CC2D2A: variants seen among roughly 807,000 people sequenced by gnomAD.
CC2D2A encodes the protein coiled-coil and C2 domain containing 2A, also known as coiled-coil and C2 domain-containing protein 2A.
A neutral mutation model predicts 212.9 loss-of-function variants in CC2D2A; 155 were observed. The observed-to-expected ratio is 0.73, with a 90% CI of 0.64 to 0.83. The LOEUF (loss-of-function observed/expected upper bound fraction) is 0.83, where lower values mean the gene tolerates loss of function less well. Ranked by LOEUF, CC2D2A falls within the 40% of genes least tolerant of loss-of-function variation. The pLI is 0.00. For missense variants in CC2D2A, 1,856 were observed against 1,956.2 expected (o/e 0.95, Z 0.97); for synonymous variants, 667 against 686.5 (o/e 0.97, Z 0.44).
At chr4:15,488,149 G>A (rs1358276560) in intron 4 of CC2D2A, among the ~76,000 whole-genome samples, 2 of 152,068 alleles carry the variant, frequency 1.3e-5, no homozygotes, top group African/African-American at 4.8e-5. Flanking sequence ...TATGTTCACT[G>A]GTGATTTTTA....
At chr4:15,549,733 G>C (rs931619087) in intron 17 of CC2D2A, among the ~76,000 whole-genome samples, 3 of 152,144 alleles carry the variant, frequency 2.0e-5, no homozygotes, top group African/African-American at 7.2e-5. Flanking sequence ...AACCCAGGAG[G>C]CAGAGGTTGC....
intron 11 of CC2D2A, 130 bp downstream of exon 11, chr4:15,516,886 G>T: frequency 5.6e-6 from 4 of 720,394 alleles, no homozygotes; most frequent in East Asian, 8.5e-5. Context: ...TACACATAAA[G>T]AACAAACATC....
chr4:15,527,327 C>A, intron 11 of CC2D2A, 120 bp from the exon 12 acceptor site: 1 of 616,036 alleles, frequency 1.6e-6, no homozygotes, highest in Non-Finnish European at 2.7e-6. Flanking sequence ...GCATTTTTCA[C>A]CTGACTAGTC....
chr4:15,533,159 T>G, intron 13 of CC2D2A, 34 bp from the exon 14 acceptor site: 1 of 1,536,206 alleles, frequency 6.5e-7, no homozygotes, highest in Non-Finnish European at 8.7e-7. Context: ...ACCTGACTTT[T>G]TAATATATAC....
At chr4:15,591,725 C>A (rs1314998574) in intron 33 of CC2D2A, among the ~76,000 whole-genome samples, 1 of 152,084 alleles carries the variant, frequency 6.6e-6, no homozygotes, top group Non-Finnish European at 1.5e-5. Context: ...ATCTGCTAAG[C>A]CTCATCTACA....
At chr4:15,595,533 C>T (rs1021674953) in intron 33 of CC2D2A, among the ~76,000 whole-genome samples, 1 of 152,154 alleles carries the variant, frequency 6.6e-6, no homozygotes, top group Non-Finnish European at 1.5e-5. Flanking sequence ...TATTTATTAT[C>T]CCACTGTTAA....
At chr4:15,536,805 G>A (rs945025003) in intron 14 of CC2D2A, 115 bp from the exon 15 acceptor site, 8 of 942,664 alleles carry the variant, frequency 8.5e-6, no homozygotes, top group Admixed American at 5.3e-5. Flanking sequence ...TTACATGTGC[G>A]ACATTTTTAG....
intron 1 of CC2D2A, 47 bp from the exon 2 acceptor site, chr4:15,475,868 A>G: frequency 7.2e-7 from 1 of 1,391,596 alleles, no homozygotes; most frequent in Non-Finnish European, 1.0e-6. Context: ...GAGAAGCAAT[A>G]TTTCATTGAT....
intron 4 of CC2D2A, among the ~76,000 whole-genome samples, chr4:15,493,269 T>TTTAC (rs3054512): frequency 0.13 from 19,578 of 150,600 alleles, 1,467 homozygotes; most frequent in African/African-American, 0.2. Context: ...TATTTATTTA[T>TTTAC]TTACTTACTT....
intron 2 of CC2D2A, 38 bp downstream of exon 2, chr4:15,476,009 G>T: frequency 1.3e-6 from 2 of 1,556,220 alleles, no homozygotes; most frequent in Non-Finnish European, 1.8e-6. Context: ...GGATGTGTTT[G>T]TGTGTGCATG....
intron 24 of CC2D2A, 90 bp from the exon 25 acceptor site, chr4:15,567,287 G>T: frequency 1.0e-6 from 1 of 994,342 alleles, no homozygotes. Flanking sequence ...GACAGAGTGA[G>T]ACCCTATCTC....
chr4:15,510,782 G>C (rs1560157405), intron 7 of CC2D2A, among the ~76,000 whole-genome samples: 3 of 152,126 alleles, frequency 2.0e-5, no homozygotes, highest in Non-Finnish European at 4.4e-5. Context: ...AGTTTGTTCA[G>C]CTCTGAAGTT....
chr4:15,595,891 C>G (rs997735474), intron 33 of CC2D2A, 194 bp from the exon 34 acceptor site: 16 of 386,676 alleles, frequency 4.1e-5, no homozygotes, highest in African/African-American at 3.1e-4. Flanking sequence ...AAAAAATGGC[C>G]AATGACAACT....
At chr4:15,522,776 A>AATATAAG (rs1717282531) in intron 11 of CC2D2A, among the ~76,000 whole-genome samples, 1 of 152,198 alleles carries the variant, frequency 6.6e-6, no homozygotes, top group South Asian at 2.1e-4. Flanking sequence ...AAACATAAAC[A>AATATAAG]ATATAAAATG....
chr4:15,553,924 G>A (rs550998093), intron 19 of CC2D2A, among the ~76,000 whole-genome samples: 9 of 152,204 alleles, frequency 5.9e-5, no homozygotes, highest in African/African-American at 2.2e-4. Context: ...ACCATTCCAG[G>A]CCTCAGTTGC....
At chr4:15,493,330 G>A (rs1246685572) in intron 4 of CC2D2A, among the ~76,000 whole-genome samples, 3 of 152,040 alleles carry the variant, frequency 2.0e-5, no homozygotes, top group Non-Finnish European at 4.4e-5. Flanking sequence ...GTGCAGTGGT[G>A]CAATCTCGGC....
intron 4 of CC2D2A, chr4:15,492,938 G>A: frequency 1.9e-6 from 1 of 525,252 alleles, no homozygotes; most frequent in Non-Finnish European, 3.7e-6. Context: ...GCCCTCTGAT[G>A]CCTGCTTCAC....
At position 15,580,994 on chromosome 4, in the gene CC2D2A, C is replaced by T. The variant is rs186308104; in HGVS notation, c.3975+823C>T. ...ATATGCATGCACCATTCTCTGGCTT[C>T]AGAGCACCATACCCATCACAAACTT... On this transcript the variant is annotated intron_variant, in intron 30 of 36. Coordinates refer to ENST00000424120, the MANE Select transcript of CC2D2A (RefSeq NM_001378615.1). Among the ~76,000 whole-genome samples the T allele has an allele frequency of 5.6e-3, 853 of 152,292 alleles. 5 individuals are homozygous for T. The highest frequency in any genetic ancestry group is 0.02 in the African/African-American group (820 of 41,558).
At chr4:15,546,553 A>T (rs1398258453) in intron 17 of CC2D2A, among the ~76,000 whole-genome samples, 1 of 151,992 alleles carries the variant, frequency 6.6e-6, no homozygotes, top group Non-Finnish European at 1.5e-5. Context: ...CTGAGGAATA[A>T]CTCCTCTATC....
Sources: gnomAD v4.1 joint callset for allele counts (sites outside exome capture counted in the v4.1 genomes callset) on GRCh38, gnomAD v4.1.1 for gene constraint, MANE v1.5 for transcripts, NCBI Gene and HGNC (gene_info 2026-07-23, HGNC 2026-07-21) for gene names.